RGS6: variants seen among roughly 807,000 people sequenced by gnomAD.
RGS6 encodes regulator of G-protein signaling 6.
Under a neutral mutation model 78.5 loss-of-function variants are expected in RGS6, and 30 were observed. The ratio of observed to expected loss-of-function variants is 0.38; its 90% confidence interval spans 0.29 to 0.52. The LOEUF (loss-of-function observed/expected upper bound fraction) is 0.52. RGS6 is among the 20% of genes least tolerant of loss of function. The pLI is 0.85. For synonymous variants in RGS6, 206 were observed against 206.0 expected (o/e 1.00, Z 0.00); for missense variants, 495 against 609.7 (o/e 0.81, Z 1.98).
chr14:72,256,530 C>T (rs942669804), intron 2 of RGS6, among the ~76,000 whole-genome samples: 1 of 152,140 alleles, frequency 6.6e-6, no homozygotes, highest in African/African-American at 2.4e-5. Flanking sequence ...CATTTAGTTA[C>T]TCCTACATTT....
chr14:72,271,098 G>A (rs984466344), intron 2 of RGS6, among the ~76,000 whole-genome samples: 2 of 152,208 alleles, frequency 1.3e-5, no homozygotes, highest in African/African-American at 4.8e-5. Context: ...AGAGGAAGGA[G>A]AGAGTGAGGA....
chr14:71,913,665 T>A, the RGS6 span, among the ~76,000 whole-genome samples: 1 of 152,240 alleles, frequency 6.6e-6, no homozygotes, highest in Non-Finnish European at 1.5e-5. Context: ...GCTGAGGAAC[T>A]TGGAACAATT....
At chr14:72,253,095 C>T (rs562295956) in intron 2 of RGS6, among the ~76,000 whole-genome samples, 3 of 152,344 alleles carry the variant, frequency 2.0e-5, no homozygotes, top group Non-Finnish European at 2.9e-5. Flanking sequence ...CCAATGGTGC[C>T]AGGCTTGGCC....
At chr14:72,185,993 T>C (rs912687710) in intron 2 of RGS6, among the ~76,000 whole-genome samples, 8 of 152,272 alleles carry the variant, frequency 5.3e-5, no homozygotes, top group African/African-American at 1.4e-4. Context: ...TAACAAGTCA[T>C]TGATCCTCAA....
chr14:72,205,682 T>G (rs1192411277), intron 2 of RGS6, among the ~76,000 whole-genome samples: 1 of 152,242 alleles, frequency 6.6e-6, no homozygotes, highest in African/African-American at 2.4e-5. Context: ...TGCAAAGGTT[T>G]CTGGTGATGA....
chr14:72,387,796 A>C (rs2088699399), intron 3 of RGS6, among the ~76,000 whole-genome samples: 1 of 152,192 alleles, frequency 6.6e-6, no homozygotes. Flanking sequence ...TTTAAACAAC[A>C]GGAATTTATT....
intron 17 of RGS6, chr14:72,547,185 G>C (rs748308559): frequency 1.3e-6 from 2 of 1,535,080 alleles, no homozygotes; most frequent in Non-Finnish European, 1.7e-6. Flanking sequence ...CCTGTCCGGG[G>C]AGCAGCAGCA....
intron 3 of RGS6, among the ~76,000 whole-genome samples, chr14:72,404,633 A>G (rs1288788969): frequency 6.6e-6 from 1 of 152,240 alleles, no homozygotes; most frequent in Non-Finnish European, 1.5e-5. Context: ...AAAGATTTCA[A>G]CTGATGAACC....
At chr14:72,142,099 C>A (rs991328319) in intron 2 of RGS6, among the ~76,000 whole-genome samples, 1 of 152,098 alleles carries the variant, frequency 6.6e-6, no homozygotes, top group Non-Finnish European at 1.5e-5. Flanking sequence ...CAGATAGTTA[C>A]TGTTAACGGT....
chr14:72,232,042 A>T (rs2049772162), intron 2 of RGS6, among the ~76,000 whole-genome samples: 2 of 152,198 alleles, frequency 1.3e-5, no homozygotes. Flanking sequence ...GAGGACAAGG[A>T]TAGAAGAAGG....
intron 2 of RGS6, among the ~76,000 whole-genome samples, chr14:72,299,208 T>C (rs2065537730): frequency 6.6e-6 from 1 of 152,238 alleles, no homozygotes; most frequent in South Asian, 2.1e-4. Flanking sequence ...GATTTAGCTA[T>C]ACAGCTAATT....
intron 2 of RGS6, among the ~76,000 whole-genome samples, chr14:71,988,273 G>T (rs1196614725): frequency 1.3e-5 from 2 of 152,134 alleles, no homozygotes; most frequent in Non-Finnish European, 2.9e-5. Flanking sequence ...TTGCGTTGCT[G>T]GGAAGGAGGG....
intron 2 of RGS6, among the ~76,000 whole-genome samples, chr14:72,114,888 G>A (rs2095851666): frequency 6.6e-6 from 1 of 152,112 alleles, no homozygotes; most frequent in African/African-American, 2.4e-5. Context: ...AAACAAGTAT[G>A]ATAAAGGGAA....
At position 72,484,134 on chromosome 14, in the gene RGS6, G is replaced by A. The variant is rs146800650; in HGVS notation, c.854+5805G>A. On this transcript the variant is annotated intron_variant, in intron 12 of 17. Coordinates refer to ENST00000553525, the MANE Select transcript of RGS6 (RefSeq NM_001204424.2). ...GAAACTGCATGTAGCAGAGCGAGGC[G>A]TGCCAGCATGCTCTCCTCTTCACCC... Among the ~76,000 whole-genome samples the A allele has an allele frequency of 6.6e-5, 10 of 152,246 alleles. 1 individual carries two copies. Among genetic ancestry groups the A allele is most frequent in the East Asian group, 3.9e-4 (2 of 5,188 alleles).
chr14:71,876,708 T>A, the RGS6 span, among the ~76,000 whole-genome samples: 1 of 152,000 alleles, frequency 6.6e-6, no homozygotes, highest in Non-Finnish European at 1.5e-5. Flanking sequence ...GTGAATTTGA[T>A]CCTGTCATTA....
intron 15 of RGS6, among the ~76,000 whole-genome samples, chr14:72,522,270 G>A (rs574820162): frequency 7.2e-5 from 11 of 152,052 alleles, no homozygotes; most frequent in Non-Finnish European, 1.3e-4. Context: ...CACTAATCCC[G>A]TCATAAGGGC....
chr14:72,510,107 T>G, intron 13 of RGS6, 47 bp from the exon 14 acceptor site: 1 of 1,529,116 alleles, frequency 6.5e-7, no homozygotes, highest in Non-Finnish European at 8.8e-7. Context: ...GACACGAGCT[T>G]TTCTCTGGTA....
chr14:72,508,097 A>G (rs2096831565), intron 13 of RGS6, among the ~76,000 whole-genome samples: 1 of 152,146 alleles, frequency 6.6e-6, no homozygotes, highest in South Asian at 2.1e-4. Context: ...TGTTTCATGG[A>G]GTCTCCCATT....
intron 2 of RGS6, among the ~76,000 whole-genome samples, chr14:72,268,871 G>C (rs2059480622): frequency 1.3e-5 from 2 of 152,178 alleles, no homozygotes; most frequent in South Asian, 2.1e-4. Context: ...TCTGCAAATA[G>C]ACATTACCAA....
Sources: gnomAD v4.1 joint callset for allele counts (sites outside exome capture counted in the v4.1 genomes callset) on GRCh38, gnomAD v4.1.1 for gene constraint, MANE v1.5 for transcripts, NCBI Gene and HGNC (gene_info 2026-07-23, HGNC 2026-07-21) for gene names.